The following AAK1 variants were observed in gnomAD, a reference collection of about 807,000 sequenced individuals.
The protein encoded by AAK1 is AP2 associated kinase 1.
A neutral mutation model predicts 116.0 loss-of-function variants in AAK1; 37 were observed. The observed-to-expected ratio is 0.32, with a 90% CI of 0.25 to 0.42. AAK1 has a LOEUF of 0.42. Among genes scored for constraint, AAK1 ranks in the 10% least tolerant of loss-of-function variants. The pLI is 1.00. For missense variants in AAK1, 919 were observed against 1,170.6 expected (o/e 0.79, Z 3.14); for synonymous variants, 458 against 439.9 (o/e 1.04, Z -0.51).
At chr2:69,493,381 T>C (rs1675617711) in intron 17 of AAK1, among the ~76,000 whole-genome samples, 1 of 151,994 alleles carries the variant, frequency 6.6e-6, no homozygotes, top group Admixed American at 6.6e-5. Context: ...TGCCTGACAC[T>C]GTGGGCTGTG....
intron 8 of AAK1, among the ~76,000 whole-genome samples, chr2:69,527,659 T>C (rs577610091): frequency 3.5e-4 from 53 of 152,328 alleles, no homozygotes; most frequent in African/African-American, 1.3e-3. Context: ...ACCATGGGCT[T>C]CCTTGGTTCA....
chr2:69,630,352 G>A (rs1388548852), intron 2 of AAK1, among the ~76,000 whole-genome samples: 1 of 133,570 alleles, frequency 7.5e-6, no homozygotes, highest in Non-Finnish European at 1.6e-5. Flanking sequence ...GGGGGGGAGG[G>A]GGAGGGAGAG....
intron 16 of AAK1, among the ~76,000 whole-genome samples, chr2:69,499,230 C>G (rs1472571455): frequency 6.6e-6 from 1 of 152,206 alleles, no homozygotes; most frequent in East Asian, 1.9e-4. Flanking sequence ...TCTTTGGACT[C>G]TGAATTCCCA....
intron 2 of AAK1, among the ~76,000 whole-genome samples, chr2:69,631,404 C>T (rs1675168637): frequency 6.6e-6 from 1 of 152,208 alleles, no homozygotes; most frequent in Admixed American, 6.5e-5. Flanking sequence ...AATCTAGCAT[C>T]AATGCTATGC....
chr2:69,588,420 T>C (rs1215077849), intron 2 of AAK1, among the ~76,000 whole-genome samples: 4 of 152,190 alleles, frequency 2.6e-5, no homozygotes, highest in Non-Finnish European at 5.9e-5. Flanking sequence ...CGGACATCAG[T>C]TTCCCCATCC....
intron 2 of AAK1, among the ~76,000 whole-genome samples, chr2:69,580,740 T>C (rs1672507377): frequency 6.6e-6 from 1 of 152,246 alleles, no homozygotes. Flanking sequence ...TTAATACATT[T>C]GAATCCACTC....
intron 2 of AAK1, among the ~76,000 whole-genome samples, chr2:69,580,038 T>C (rs567641275): frequency 3.9e-5 from 6 of 152,082 alleles, no homozygotes; most frequent in Non-Finnish European, 8.8e-5. Flanking sequence ...CTACCCCATT[T>C]CCTGTCTTCA....
intron 16 of AAK1, among the ~76,000 whole-genome samples, chr2:69,503,611 C>T (rs1269787647): frequency 6.6e-6 from 1 of 152,158 alleles, no homozygotes; most frequent in Non-Finnish European, 1.5e-5. Context: ...CCTCTGCCTC[C>T]TGGGGTCAAG....
At chr2:69,556,551 C>T (rs1304541557) in intron 3 of AAK1, among the ~76,000 whole-genome samples, 1 of 152,140 alleles carries the variant, frequency 6.6e-6, no homozygotes, top group African/African-American at 2.4e-5. Flanking sequence ...GAAAGTTAGG[C>T]TTTCTGGATT....
intron 3 of AAK1, among the ~76,000 whole-genome samples, chr2:69,547,389 T>C (rs1038207020): frequency 1.3e-5 from 2 of 152,202 alleles, no homozygotes; most frequent in East Asian, 1.9e-4. Context: ...GTCCAGAATA[T>C]GTGAAGAACC....
chr2:69,632,572 A>G (rs1675232231), intron 2 of AAK1, among the ~76,000 whole-genome samples: 1 of 150,532 alleles, frequency 6.6e-6, no homozygotes, highest in African/African-American at 2.5e-5. Flanking sequence ...ACTTTAGGCA[A>G]ATCACCTAAT....
chr2:69,480,889 T>G lies in AAK1; in HGVS notation c.2540A>C (p.Gln847Pro), dbSNP rs200287854. ...EPPVPQRLPSQTESVTSNRTD... is the reference protein window; with the variant it reads ...EPPVPQRLPSPTESVTSNRTD... ...GCGATTCGAGGTCACAGATTCCGTCTGAGATGGGAGGCGCTGGGGAACTGG... is the reference window on the plus strand; with the variant it reads ...GCGATTCGAGGTCACAGATTCCGTCGGAGATGGGAGGCGCTGGGGAACTGG... Residue 847 changes from glutamine (Q) to proline (P), a missense_variant, in exon 19 of 22, where the codon CAG (glutamine) becomes CCG (proline). Physicochemically the swap from Gln to Pro is moderately conservative, Grantham distance 76. Transcript: ENST00000409085. 6.2e-7 allele frequency: 1 copy of G among 1,605,300 alleles called. No homozygotes were observed. Among genetic ancestry groups the G allele is most frequent in the African/African-American group, 1.3e-5 (1 of 74,774 alleles).
intron 2 of AAK1, among the ~76,000 whole-genome samples, chr2:69,576,337 T>C (rs1302841185): frequency 1.3e-5 from 2 of 152,194 alleles, no homozygotes; most frequent in African/African-American, 4.8e-5. Context: ...TGAGGTTTTT[T>C]TTTTCTAACT....
chr2:69,563,409 T>C (rs76928128), intron 2 of AAK1, among the ~76,000 whole-genome samples: 259 of 152,332 alleles, frequency 1.7e-3, no homozygotes, highest in Non-Finnish European at 3.3e-3. Flanking sequence ...AAGCCCATCA[T>C]GGTGCTGAGA....
At chr2:69,596,886 G>A (rs937478958) in intron 2 of AAK1, among the ~76,000 whole-genome samples, 8 of 152,148 alleles carry the variant, frequency 5.3e-5, no homozygotes, top group East Asian at 3.9e-4. Context: ...GCCTTCTAAC[G>A]CCCCCAGGAG....
Position 69,475,537 on chromosome 2 carries a change from T to A in AAK1, c.*332A>T, listed in dbSNP as rs1365171024. 9.4e-7 allele frequency: 1 copy of A among 1,067,096 alleles called. No homozygotes were observed. Among genetic ancestry groups the A allele is most frequent in the Non-Finnish European group, 1.1e-6 (1 of 881,244 alleles). The allele number at this position is 1,067,096 out of a possible 1,614,324, so 66.1% of individuals were successfully genotyped here. On this transcript the variant is annotated 3_prime_UTR_variant, in exon 22 of 22. Transcript: ENST00000409085. ...CGAGACAAAAGTGTCAATTCACTAG[T>A]TTCAGTTACAGTTAAGCTTTTGGTG... is the stretch of plus-strand genomic sequence containing the variant.
chr2:69,635,802 T>C (rs1251017520), intron 2 of AAK1, among the ~76,000 whole-genome samples: 7 of 152,190 alleles, frequency 4.6e-5, no homozygotes, highest in Non-Finnish European at 5.9e-5. Flanking sequence ...GAATGAGAGT[T>C]GTCATTTAAT....
rs1318212130 is a variant in AAK1 at position 69,479,074 on chromosome 2, T to C, written c.2570-13A>G. On this transcript the variant is annotated splice_polypyrimidine_tract_variant and intron_variant, in intron 19 of 21. Coordinates refer to ENST00000409085, the MANE Select transcript of AAK1 (RefSeq NM_014911.5). Reference sequence around the variant, plus strand: ...CCGGTGAGAGAATCTGAGTCCAGATTAACAGCATCCCAGGTCAGTGATGGC... The same window carrying C: ...CCGGTGAGAGAATCTGAGTCCAGATCAACAGCATCCCAGGTCAGTGATGGC... The C allele has an allele frequency of 1.3e-6, 2 of 1,561,704 alleles. No homozygotes were observed. The highest frequency in any genetic ancestry group is 1.7e-5 in the Admixed American group (1 of 59,822).
chr2:69,495,679 T>C (rs1012603032), intron 17 of AAK1, among the ~76,000 whole-genome samples: 1 of 152,218 alleles, frequency 6.6e-6, no homozygotes, highest in African/African-American at 2.4e-5. Flanking sequence ...ATTGGACTAA[T>C]GTTCTTTCCA....
Sources: gnomAD v4.1 joint callset for allele counts (sites outside exome capture counted in the v4.1 genomes callset) on GRCh38, gnomAD v4.1.1 for gene constraint, MANE v1.5 for transcripts, NCBI Gene and HGNC (gene_info 2026-07-23, HGNC 2026-07-21) for gene names.